The following AGMO variants were observed in gnomAD, a reference collection of about 807,000 sequenced individuals.
The protein encoded by AGMO is alkylglycerol monooxygenase.
AGMO carries 75 observed loss-of-function variants against 60.2 expected under a neutral mutation model. The ratio of observed to expected loss-of-function variants is 1.25; its 90% CI spans 1.03 to 1.51. The LOEUF (loss-of-function observed/expected upper bound fraction) is 1.51. Among genes scored for constraint, AGMO ranks in the 40% most tolerant of loss-of-function variants. The pLI is 0.00. For synonymous variants in AGMO, 261 were observed against 177.1 expected, an observed-to-expected ratio of 1.47 and a Z score of -3.76; for missense variants, 763 against 525.5, an observed-to-expected ratio of 1.45 and a Z score of -4.42.
intron 3 of AGMO, among the ~76,000 whole-genome samples, chr7:15,512,854 C>T (rs994072816): frequency 6.6e-6 from 1 of 151,732 alleles, no homozygotes; most frequent in African/African-American, 2.4e-5. Flanking sequence ...TTCCTTTTTC[C>T]TACTATATTT....
the AGMO span, among the ~76,000 whole-genome samples, chr7:15,118,633 G>C: frequency 6.6e-6 from 1 of 151,964 alleles, no homozygotes; most frequent in African/African-American, 2.4e-5. Flanking sequence ...ACTTTTCATA[G>C]TTATGAAACC....
At chr7:15,460,823 A>G (rs1782124039) in intron 3 of AGMO, among the ~76,000 whole-genome samples, 1 of 152,212 alleles carries the variant, frequency 6.6e-6, no homozygotes, top group Admixed American at 6.5e-5. Flanking sequence ...AAAAAGAAGC[A>G]ATCAATAACT....
At chr7:15,131,277 T>C in the AGMO span, among the ~76,000 whole-genome samples, 1 of 152,172 alleles carries the variant, frequency 6.6e-6, no homozygotes, top group Non-Finnish European at 1.5e-5. Flanking sequence ...ATTTGCAAAG[T>C]GGAGTTAGAG....
At chr7:15,258,469 C>T (rs989336832) in intron 12 of AGMO, among the ~76,000 whole-genome samples, 9 of 151,772 alleles carry the variant, frequency 5.9e-5, no homozygotes, top group South Asian at 2.1e-4. Flanking sequence ...CACTTTAATC[C>T]GGGAGGCGGA....
chr7:15,412,789 A>G (rs1437852621), intron 5 of AGMO, among the ~76,000 whole-genome samples: 3 of 152,202 alleles, frequency 2.0e-5, no homozygotes, highest in Non-Finnish European at 2.9e-5. Context: ...AAATCCCCAC[A>G]TATCCTAACA....
chr7:15,407,232 CATATATAT>C (rs60144769), intron 5 of AGMO, among the ~76,000 whole-genome samples: 1 of 132,164 alleles, frequency 7.6e-6, no homozygotes, highest in African/African-American at 2.7e-5. Flanking sequence ...CTTTGGAATA[CATATATAT>C]ATATATATAT....
chr7:15,528,939 C>T (rs765063078), intron 3 of AGMO, among the ~76,000 whole-genome samples: 4 of 152,068 alleles, frequency 2.6e-5, no homozygotes, highest in Admixed American at 6.6e-5. Context: ...TGAGACACCG[C>T]GCCCGGCCAA....
chr7:15,298,907 C>T (rs938707138), intron 12 of AGMO, among the ~76,000 whole-genome samples: 5 of 152,086 alleles, frequency 3.3e-5, no homozygotes, highest in Non-Finnish European at 7.4e-5. Context: ...CTCTTTGTCT[C>T]GCTCACAGTC....
intron 10 of AGMO, among the ~76,000 whole-genome samples, chr7:15,376,503 T>C (rs901633801): frequency 6.6e-6 from 1 of 152,110 alleles, no homozygotes; most frequent in African/African-American, 2.4e-5. Flanking sequence ...ACCATAAAAA[T>C]GTTTCCAAAT....
At chr7:15,140,029 G>C in the AGMO span, among the ~76,000 whole-genome samples, 2 of 150,576 alleles carry the variant, frequency 1.3e-5, no homozygotes, top group Admixed American at 6.6e-5. Context: ...GAGGAGATTT[G>C]AACTTGGCAA....
At chr7:15,414,951 T>C (rs1480252495) in intron 5 of AGMO, among the ~76,000 whole-genome samples, 1 of 152,176 alleles carries the variant, frequency 6.6e-6, no homozygotes, top group Non-Finnish European at 1.5e-5. Flanking sequence ...AAATCTGGCA[T>C]CTTGATTCTA....
intron 12 of AGMO, among the ~76,000 whole-genome samples, chr7:15,355,138 C>A (rs776014650): frequency 4.6e-5 from 7 of 151,932 alleles, no homozygotes; most frequent in Non-Finnish European, 1.0e-4. Flanking sequence ...ATGTGAGTAT[C>A]CTCCCCTATA....
In AGMO at chr7:15,333,714, T is replaced by C. The variant is rs150070096; in HGVS notation, c.1263+31800A>G. On this transcript the variant is annotated intron_variant, in intron 12 of 12. Transcript: ENST00000342526. ...CAAAACCACCAATATTTAAAGTGCT[T>C]GGAAAAGTATTGATTATGCAAATTA... is the stretch of plus-strand genomic sequence containing the variant. Among the ~76,000 whole-genome samples the C allele has an allele frequency of 2.5e-3, 382 of 152,156 alleles. 2 individuals carry two copies. Among genetic ancestry groups the C allele is most frequent in the African/African-American group, 8.6e-3 (358 of 41,558 alleles).
At chr7:15,377,254 C>T (rs998208723) in intron 10 of AGMO, among the ~76,000 whole-genome samples, 19 of 152,058 alleles carry the variant, frequency 1.2e-4, no homozygotes, top group African/African-American at 4.6e-4. Flanking sequence ...ATGTGGGAAA[C>T]AAGCAAATAC....
At chr7:15,139,989 T>C in the AGMO span, among the ~76,000 whole-genome samples, 1 of 150,854 alleles carries the variant, frequency 6.6e-6, no homozygotes, top group African/African-American at 2.4e-5. Flanking sequence ...CAAGTAGGGA[T>C]TCAGGCTAAG....
chr7:15,555,288 T>TACACAC (rs1314573595), intron 2 of AGMO, among the ~76,000 whole-genome samples: 4 of 100,004 alleles, frequency 4.0e-5, no homozygotes, highest in Non-Finnish European at 7.2e-5. Flanking sequence ...TATATATATA[T>TACACAC]ATATACACAC....
intron 3 of AGMO, among the ~76,000 whole-genome samples, chr7:15,485,223 A>G (rs1782882089): frequency 6.6e-6 from 1 of 151,868 alleles, no homozygotes; most frequent in Middle Eastern, 3.2e-3. Flanking sequence ...AGGCTGAGGC[A>G]GGAGAATCCC....
chr7:15,369,758 C>T (rs567920244), intron 10 of AGMO, among the ~76,000 whole-genome samples: 1 of 152,212 alleles, frequency 6.6e-6, no homozygotes, highest in Admixed American at 6.6e-5. Context: ...TCTTCATTCA[C>T]TGTCGTATCC....
chr7:15,154,601 A>T, the AGMO span, among the ~76,000 whole-genome samples: 1 of 152,194 alleles, frequency 6.6e-6, no homozygotes, highest in African/African-American at 2.4e-5. Context: ...GCCAATATAC[A>T]TTCAAGGTTA....
Sources: allele counts gnomAD v4.1 joint callset (sites outside exome capture counted in the v4.1 genomes callset), GRCh38; gene constraint gnomAD v4.1.1; transcripts MANE v1.5; gene names NCBI Gene and HGNC (gene_info 2026-07-23, HGNC 2026-07-21).